Variants in CDH13 observed in about 807,000 individuals in gnomAD.
CDH13 encodes cadherin-13.
Under a neutral mutation model 63.8 loss-of-function variants are expected in CDH13, and 24 were observed. The observed-to-expected ratio is 0.38, with a 90% CI of 0.27 to 0.53. CDH13 has a LOEUF of 0.53. CDH13 is among the 20% of genes least tolerant of loss of function. The pLI, the probability that CDH13 is intolerant of heterozygous loss-of-function variation, is 0.85. For synonymous variants in CDH13, 503 were observed against 355.3 expected, an observed-to-expected ratio of 1.42 and a Z score of -4.67; for missense variants, 1,049 against 903.1, an observed-to-expected ratio of 1.16 and a Z score of -2.07.
In CDH13 at chr16:83,093,356, C is replaced by T. The variant is rs117985936; in HGVS notation, c.367-32029C>T. Among the ~76,000 whole-genome samples the T allele has an allele frequency of 7.7e-3, 873 of 113,340 alleles. 10 individuals are homozygous for T. The highest frequency in any genetic ancestry group is 0.011 in the Non-Finnish European group (630 of 59,038). The allele number at this position is 113,340 out of a possible 152,430, so 74.4% of individuals were successfully genotyped here. On this transcript the variant is annotated intron_variant, in intron 3 of 13. Coordinates refer to ENST00000567109, the MANE Select transcript of CDH13 (RefSeq NM_001257.5). ...TTGAGGTGGAGTCTTCGTCTTTTGC[C>T]CCGGCTGGAGTGCCGTGAGTGGCAC... is the stretch of plus-strand genomic sequence containing the variant.
chr16:82,765,568 T>G (rs143805351), intron 1 of CDH13, among the ~76,000 whole-genome samples: 92 of 152,328 alleles, frequency 6.0e-4, no homozygotes, highest in African/African-American at 2.0e-3. Context: ...ATCTACATTG[T>G]GCACGGGTAT....
intron 6 of CDH13, among the ~76,000 whole-genome samples, chr16:83,373,626 G>A (rs2091411567): frequency 6.6e-6 from 1 of 152,172 alleles, no homozygotes; most frequent in African/African-American, 2.4e-5. Flanking sequence ...CAAAGTGTAT[G>A]TGTTAAGACT....
intron 5 of CDH13, among the ~76,000 whole-genome samples, chr16:83,230,292 A>G (rs2039966497): frequency 6.6e-6 from 1 of 152,150 alleles, no homozygotes; most frequent in African/African-American, 2.4e-5. Context: ...CTGCTCCCAA[A>G]TAAAAAGGAG....
At chr16:83,187,151 A>C (rs901836531) in intron 4 of CDH13, among the ~76,000 whole-genome samples, 1 of 152,058 alleles carries the variant, frequency 6.6e-6, no homozygotes, top group Non-Finnish European at 1.5e-5. Flanking sequence ...TTATGTTTTT[A>C]GTAGAAATGG....
intron 2 of CDH13, among the ~76,000 whole-genome samples, chr16:82,965,603 C>G (rs562194244): frequency 4.9e-4 from 75 of 152,290 alleles, no homozygotes; most frequent in African/African-American, 1.7e-3. Flanking sequence ...GTGATCTTGG[C>G]TCACTGCAAC....
At chr16:83,401,871 T>C (rs1337470499) in intron 6 of CDH13, among the ~76,000 whole-genome samples, 1 of 152,178 alleles carries the variant, frequency 6.6e-6, no homozygotes, top group Non-Finnish European at 1.5e-5. Context: ...TGTATAAACA[T>C]TTTTTGTATG....
chr16:82,875,581 A>G (rs961703450), intron 2 of CDH13, among the ~76,000 whole-genome samples: 3 of 152,204 alleles, frequency 2.0e-5, no homozygotes, highest in Admixed American at 2.0e-4. Flanking sequence ...TTTTGTTTTA[A>G]TGTGTCACAG....
intron 1 of CDH13, among the ~76,000 whole-genome samples, chr16:82,678,511 C>G (rs1416838148): frequency 4.6e-5 from 7 of 152,040 alleles, no homozygotes; most frequent in Non-Finnish European, 1.0e-4. Context: ...CTAGCTGGTC[C>G]TAAGTACTCA....
intron 10 of CDH13, among the ~76,000 whole-genome samples, chr16:83,714,189 T>C (rs1188451906): frequency 6.6e-6 from 1 of 152,144 alleles, no homozygotes; most frequent in Non-Finnish European, 1.5e-5. Flanking sequence ...AATCACACGA[T>C]AGTAAATGGC....
chr16:83,261,284 G>A (rs1906958620), intron 5 of CDH13, among the ~76,000 whole-genome samples: 2 of 152,174 alleles, frequency 1.3e-5, no homozygotes, highest in African/African-American at 4.8e-5. Flanking sequence ...CCAACTCTGT[G>A]GAAAGCTCAT....
At chr16:83,019,277 A>T (rs1198852629) in intron 2 of CDH13, among the ~76,000 whole-genome samples, 2 of 151,522 alleles carry the variant, frequency 1.3e-5, no homozygotes, top group Non-Finnish European at 2.9e-5. Flanking sequence ...TCACTTGTTG[A>T]ACTTCTTTGT....
chr16:83,143,945 C>T (rs12447098), intron 4 of CDH13, among the ~76,000 whole-genome samples: 9 of 152,036 alleles, frequency 5.9e-5, no homozygotes, highest in Admixed American at 1.3e-4. Context: ...CATAGTGAGA[C>T]GAGACAGAAG....
intron 5 of CDH13, among the ~76,000 whole-genome samples, chr16:83,342,590 A>T (rs2090749594): frequency 6.6e-6 from 1 of 152,188 alleles, no homozygotes; most frequent in African/African-American, 2.4e-5. Context: ...GTTTTCTGAG[A>T]TTCAGCTCCA....
chr16:83,736,269 C>G (rs1481102273), intron 10 of CDH13, among the ~76,000 whole-genome samples: 1 of 152,136 alleles, frequency 6.6e-6, no homozygotes, highest in Non-Finnish European at 1.5e-5. Flanking sequence ...CTGTTTTCAC[C>G]TAGGATTGAT....
chr16:83,071,663 G>T (rs2032447516), intron 3 of CDH13, among the ~76,000 whole-genome samples: 1 of 152,200 alleles, frequency 6.6e-6, no homozygotes, highest in Admixed American at 6.5e-5. Flanking sequence ...GGACTGAATA[G>T]TTGTTTCAAG....
At chr16:83,083,198 T>A (rs2033369944) in intron 3 of CDH13, among the ~76,000 whole-genome samples, 1 of 152,230 alleles carries the variant, frequency 6.6e-6, no homozygotes, top group Non-Finnish European at 1.5e-5. Context: ...TGCACAGTTT[T>A]AAATACAGCA....
intron 1 of CDH13, among the ~76,000 whole-genome samples, chr16:82,662,129 C>G (rs759761737): frequency 2.7e-5 from 4 of 150,210 alleles, no homozygotes; most frequent in African/African-American, 7.3e-5. Flanking sequence ...TCTCCATATT[C>G]TCAATGAAGT....
At chr16:82,780,971 C>T (rs1354833577) in intron 1 of CDH13, among the ~76,000 whole-genome samples, 7 of 152,224 alleles carry the variant, frequency 4.6e-5, no homozygotes, top group Non-Finnish European at 1.0e-4. Context: ...GAATCAGGGT[C>T]ACATTTGGGG....
intron 2 of CDH13, among the ~76,000 whole-genome samples, chr16:82,934,339 C>T (rs772395713): frequency 6.6e-6 from 1 of 152,204 alleles, no homozygotes; most frequent in East Asian, 1.9e-4. Context: ...CCCCTTTTAT[C>T]CATGGCTGGA....
Sources: allele counts gnomAD v4.1 joint callset (sites outside exome capture counted in the v4.1 genomes callset), GRCh38; gene constraint gnomAD v4.1.1; transcripts MANE v1.5; gene names NCBI Gene and HGNC (gene_info 2026-07-23, HGNC 2026-07-21).